Variants in UBE2QL1 observed in about 807,000 individuals in gnomAD.
UBE2QL1 encodes the protein ubiquitin conjugating enzyme E2 QL1.
Under a neutral mutation model 12.6 loss-of-function variants are expected in UBE2QL1, and 5 were observed. That is an observed-to-expected ratio of 0.40 (90% CI 0.21 to 0.83). The LOEUF (loss-of-function observed/expected upper bound fraction) is 0.83. Among genes scored for constraint, UBE2QL1 ranks in the 40% least tolerant of loss-of-function variants. UBE2QL1 has a pLI of 0.37. For synonymous variants in UBE2QL1, 96 were observed against 94.5 expected, an observed-to-expected ratio of 1.02 and a Z score of -0.10; for missense variants, 99 against 222.6, an observed-to-expected ratio of 0.44 and a Z score of 3.53.
intron 1 of UBE2QL1, among the ~76,000 whole-genome samples, chr5:6,474,833 C>T (rs114051367): frequency 0.012 from 1,778 of 152,274 alleles, 29 homozygotes; most frequent in African/African-American, 0.041. Context: ...GGGCTTTGAG[C>T]ACAGTCTCCA....
chr5:6,468,237 G>C (rs529515329), intron 1 of UBE2QL1, among the ~76,000 whole-genome samples: 1 of 152,058 alleles, frequency 6.6e-6, no homozygotes, highest in Admixed American at 6.6e-5. Context: ...CTGGTTGAGC[G>C]AGCCCCCTGC....
intron 1 of UBE2QL1, among the ~76,000 whole-genome samples, chr5:6,484,873 C>T (rs191857969): frequency 1.3e-5 from 2 of 152,046 alleles, no homozygotes; most frequent in East Asian, 3.9e-4. Flanking sequence ...GCAAAGGGAC[C>T]ACCCATTAAA....
At chr5:6,458,725 T>C (rs750548520) in intron 1 of UBE2QL1, among the ~76,000 whole-genome samples, 7 of 152,306 alleles carry the variant, frequency 4.6e-5, no homozygotes, top group Admixed American at 6.5e-5. Flanking sequence ...ACTCTGCTTC[T>C]CAGCCAAGGA....
intron 1 of UBE2QL1, among the ~76,000 whole-genome samples, chr5:6,471,809 A>G (rs1739918458): frequency 6.6e-6 from 1 of 152,224 alleles, no homozygotes; most frequent in African/African-American, 2.4e-5. Context: ...TTTTCATTGT[A>G]TGTTCAAATC....
intron 1 of UBE2QL1, among the ~76,000 whole-genome samples, chr5:6,467,520 C>T (rs559415363): frequency 6.6e-6 from 1 of 152,300 alleles, no homozygotes; most frequent in South Asian, 2.1e-4. Flanking sequence ...CTGATTACCT[C>T]ATTTTAAGGT....
chr5:6,463,472 G>A (rs1739716908), intron 1 of UBE2QL1, among the ~76,000 whole-genome samples: 1 of 152,004 alleles, frequency 6.6e-6, no homozygotes, highest in African/African-American at 2.4e-5. Flanking sequence ...TCTGCGTGGT[G>A]CAGACTGCAA....
At chr5:6,491,184 G>T (rs999934526) in intron 1 of UBE2QL1, 34 bp from the exon 2 acceptor site, 4 of 1,511,502 alleles carry the variant, frequency 2.6e-6, no homozygotes, top group East Asian at 2.5e-5. Context: ...TCCCAGTGAC[G>T]TTCTAACCTG....
chr5:6,463,966 T>C lies in UBE2QL1; in HGVS notation c.354+14719T>C, dbSNP rs573213799. Among the ~76,000 whole-genome samples, 7 of 151,460 alleles carry C rather than the reference T, an allele frequency of 4.6e-5. No individual in the cohort carries two copies. The East Asian group carries it at 1.2e-3, about 25-fold the overall frequency. ...GCACCAAATTTTTGTTTCAGATTAT[T>C]CTAAGAGATTTTTTTTTTAATTTGA... On this transcript the variant is annotated intron_variant, in intron 1 of 1. Coordinates refer to ENST00000399816, the MANE Select transcript of UBE2QL1 (RefSeq NM_001145161.3).
Position 6,478,008 on chromosome 5 carries a change from T to C in UBE2QL1, c.355-13210T>C, listed in dbSNP as rs1734275778. 6.6e-6 allele frequency among the ~76,000 whole-genome samples: 1 copy of C among 152,138 alleles called. No individual in the cohort carries two copies. The highest frequency in any genetic ancestry group is 2.1e-4 in the South Asian group (1 of 4,828). ...CTAGGGGCATAAATTAAATCTCACA[T>C]CTTTATGAGCACAATTCCTTCTTTT... On this transcript the variant is annotated intron_variant, in intron 1 of 1. Transcript: ENST00000399816. This position sits in a 1 kb window ranked among gnomAD's most constrained non-coding sequence, Gnocchi z 4.5.
At chr5:6,452,123 C>T (rs765643221) in intron 1 of UBE2QL1, among the ~76,000 whole-genome samples, 7 of 152,098 alleles carry the variant, frequency 4.6e-5, no homozygotes, top group African/African-American at 1.4e-4. Flanking sequence ...ATTGAGGATA[C>T]GCTGTTTCTA....
At chr5:6,486,035 T>G (rs1245662930) in intron 1 of UBE2QL1, among the ~76,000 whole-genome samples, 2 of 152,188 alleles carry the variant, frequency 1.3e-5, no homozygotes, top group Non-Finnish European at 2.9e-5. Context: ...GAGAAGATCT[T>G]CCGTGATAGC....
chr5:6,453,728 CACACAG>C lies in UBE2QL1; in HGVS notation c.354+4483_354+4488del, dbSNP rs781352726. 8.3e-5 allele frequency among the ~76,000 whole-genome samples: 12 copies of C among 144,898 alleles called. No individual in the cohort carries two copies. In the South Asian group the frequency reaches 8.5e-4, roughly 10 times the overall value. On this transcript the variant is annotated intron_variant, in intron 1 of 1. Transcript: ENST00000399816. ...ACATGTGCACACACACACACACACA[CACACAG>C]AGACATACATAAAGCCCATCTTCCA... is the stretch of plus-strand genomic sequence containing the variant.
chr5:6,450,289 G>C (rs1358540259), intron 1 of UBE2QL1, among the ~76,000 whole-genome samples: 2 of 152,100 alleles, frequency 1.3e-5, no homozygotes, highest in Non-Finnish European at 2.9e-5. Context: ...AATACGAAAC[G>C]AAGGGCCAAA....
Position 6,474,780 on chromosome 5 carries a change from T to C in UBE2QL1, c.355-16438T>C, listed in dbSNP as rs747536691. Among the ~76,000 whole-genome samples the C allele has an allele frequency of 3.9e-5, 6 of 152,168 alleles. No individual in the cohort carries two copies. In the East Asian group the frequency reaches 1.2e-3, roughly 29 times the overall value. Reference sequence around the variant, plus strand: ...ACTTTAGTACTGGAATAATGCGTGGTGGGGCATCACCTGGAGGTTCCATCC... The same window carrying C: ...ACTTTAGTACTGGAATAATGCGTGGCGGGGCATCACCTGGAGGTTCCATCC... On this transcript the variant is annotated intron_variant, in intron 1 of 1. Coordinates refer to ENST00000399816, the MANE Select transcript of UBE2QL1 (RefSeq NM_001145161.3).
Position 6,495,352 on chromosome 5 carries a change from G to C in UBE2QL1, c.*4003G>C, listed in dbSNP as rs1233569223. On this transcript the variant is annotated 3_prime_UTR_variant, in exon 2 of 2. Coordinates refer to ENST00000399816, the MANE Select transcript of UBE2QL1 (RefSeq NM_001145161.3). ...TTTAATGGAATTTGCTTTCTAAAGG[G>C]GCAGAGCTTACTTCCTGACTGTAGT... Among the ~76,000 whole-genome samples the C allele has an allele frequency of 6.6e-6, 1 of 152,144 alleles. No individual in the cohort carries two copies. The highest frequency in any genetic ancestry group is 2.4e-5 in the African/African-American group (1 of 41,422).
At chr5:6,490,139 AGGAAATG>A (rs1476146799) in intron 1 of UBE2QL1, among the ~76,000 whole-genome samples, 1 of 152,218 alleles carries the variant, frequency 6.6e-6, no homozygotes, top group Non-Finnish European at 1.5e-5. Flanking sequence ...GTTAAGTGGA[AGGAAATG>A]TGCCTCAGAG....
intron 1 of UBE2QL1, among the ~76,000 whole-genome samples, chr5:6,469,559 TAA>T (rs1739864856): frequency 7.0e-6 from 1 of 142,936 alleles, no homozygotes; most frequent in South Asian, 2.2e-4. Context: ...ATATATAATC[TAA>T]GTGTGTGTGT....
rs1267848457 is a variant in UBE2QL1, at chr5:6,466,422, C to T, written c.354+17175C>T. On this transcript the variant is annotated intron_variant, in intron 1 of 1. Coordinates refer to ENST00000399816, the MANE Select transcript of UBE2QL1 (RefSeq NM_001145161.3). ...AGGCCACCTGCAGCTGGCTGTGGCC[C>T]GTGGGCCTCCTGGGGGGCTGTGTCC... 2.6e-5 allele frequency among the ~76,000 whole-genome samples: 4 copies of T among 152,238 alleles called. No homozygotes were observed. The South Asian group carries it at 6.2e-4, about 24-fold the overall frequency.
intron 1 of UBE2QL1, among the ~76,000 whole-genome samples, chr5:6,460,831 A>G (rs1739641671): frequency 2.6e-5 from 4 of 152,236 alleles, no homozygotes. Flanking sequence ...CTTGTTAGCC[A>G]TTAAATGTTG....
Sources: allele counts gnomAD v4.1 joint callset (sites outside exome capture counted in the v4.1 genomes callset), GRCh38; gene constraint gnomAD v4.1.1; non-coding constraint Gnocchi (gnomAD v3.1); transcripts MANE v1.5; gene names NCBI Gene and HGNC (gene_info 2026-07-23, HGNC 2026-07-21).